PLEKHH2: variants seen among roughly 807,000 people sequenced by gnomAD.
PLEKHH2 encodes pleckstrin homology, MyTH4 and FERM domain containing H2.
Under a neutral mutation model 187.9 loss-of-function variants are expected in PLEKHH2, and 129 were observed. The observed-to-expected ratio is 0.69, with a 90% confidence interval of 0.59 to 0.79. The LOEUF is 0.79. Among genes scored for constraint, PLEKHH2 ranks in the 30% least tolerant of loss-of-function variants. PLEKHH2 has a pLI of 0.00. For synonymous variants in PLEKHH2, 686 were observed against 605.6 expected (o/e 1.13, Z -1.95); for missense variants, 2,076 against 1,751.2 (o/e 1.19, Z -3.31).
intron 2 of PLEKHH2, among the ~76,000 whole-genome samples, chr2:43,654,183 A>T (rs536634341): frequency 9.2e-5 from 14 of 152,098 alleles, no homozygotes; most frequent in Non-Finnish European, 1.9e-4. Context: ...GAAGTAGTTG[A>T]CATTTTATGT....
chr2:43,674,349 G>C (rs1667624517), intron 2 of PLEKHH2, among the ~76,000 whole-genome samples: 1 of 152,162 alleles, frequency 6.6e-6, no homozygotes, highest in Admixed American at 6.5e-5. Context: ...CCTGAAAATA[G>C]AATATAGTTA....
intron 3 of PLEKHH2, among the ~76,000 whole-genome samples, chr2:43,682,717 A>T (rs1668265689): frequency 6.6e-6 from 1 of 152,132 alleles, no homozygotes; most frequent in South Asian, 2.1e-4. Context: ...TTCATTAAGC[A>T]TTTAGTCCCA....
intron 27 of PLEKHH2, among the ~76,000 whole-genome samples, chr2:43,759,784 A>C (rs1289469645): frequency 6.6e-6 from 1 of 152,210 alleles, no homozygotes; most frequent in African/African-American, 2.4e-5. Context: ...CTTTGCACGT[A>C]ATTAATAATT....
At chr2:43,697,028 T>G in intron 6 of PLEKHH2, 143 bp from the exon 7 acceptor site, 1 of 565,868 alleles carries the variant, frequency 1.8e-6, no homozygotes, top group Non-Finnish European at 3.0e-6. Flanking sequence ...AGGTTCTATG[T>G]TATTGTACAT....
intron 24 of PLEKHH2, among the ~76,000 whole-genome samples, chr2:43,748,023 G>C (rs766234102): frequency 2.6e-5 from 4 of 152,194 alleles, no homozygotes; most frequent in African/African-American, 9.7e-5. Flanking sequence ...ACTTGGGACA[G>C]ACACTCACAT....
At position 43,766,227 on chromosome 2, in the gene PLEKHH2, C is replaced by A. The variant is rs1421117655; in HGVS notation, c.*629C>A. ...GTGGTATTAGAAAGTATACCGTCAC[C>A]TTTTCACATCACTGGAGTGTAAAAT... On this transcript the variant is annotated 3_prime_UTR_variant, in exon 30 of 30. Transcript: ENST00000282406. 6.5e-6 allele frequency: 1 copy of A among 152,722 alleles called. No individual in the cohort carries two copies. Among genetic ancestry groups the A allele is most frequent in the African/African-American group, 2.4e-5 (1 of 41,428 alleles). The allele number at this position is 152,722 out of a possible 1,614,324, so 9.5% of individuals were successfully genotyped here.
intron 27 of PLEKHH2, among the ~76,000 whole-genome samples, chr2:43,760,073 G>C (rs572756148): frequency 6.6e-6 from 1 of 152,168 alleles, no homozygotes; most frequent in Middle Eastern, 3.4e-3. Context: ...GAAGTTGAAC[G>C]TTACTTTTTA....
chr2:43,754,079 T>C (rs1672107724), intron 25 of PLEKHH2, among the ~76,000 whole-genome samples: 1 of 151,914 alleles, frequency 6.6e-6, no homozygotes, highest in Non-Finnish European at 1.5e-5. Flanking sequence ...AATCGCTTGG[T>C]AGTCTAATAG....
chr2:43,641,577 C>T lies in PLEKHH2; in HGVS notation c.-3-3094C>T, dbSNP rs539761082. On this transcript the variant is annotated intron_variant, in intron 1 of 29. Transcript: ENST00000282406. ...TGGCTCAAGACAATTCTTCTTCTAA[C>T]GTGGCCCAAGGAAGTCAAAAGATTG... Among the ~76,000 whole-genome samples the T allele has an allele frequency of 4.1e-4, 62 of 152,098 alleles. 1 individual carries two copies. The highest frequency in any genetic ancestry group is 1.4e-3 in the African/African-American group (58 of 41,476).
chr2:43,749,732 A>G (rs1671931696), intron 24 of PLEKHH2, among the ~76,000 whole-genome samples: 1 of 152,234 alleles, frequency 6.6e-6, no homozygotes, highest in African/African-American at 2.4e-5. Context: ...GTTTATAAGT[A>G]GCTTAGACAA....
intron 2 of PLEKHH2, among the ~76,000 whole-genome samples, chr2:43,653,613 G>A (rs1178835830): frequency 6.6e-6 from 1 of 152,204 alleles, no homozygotes; most frequent in East Asian, 1.9e-4. Context: ...GGAGAAAGTT[G>A]AGGGGTCTCC....
At chr2:43,678,640 A>G (rs1667995108) in intron 2 of PLEKHH2, among the ~76,000 whole-genome samples, 1 of 152,012 alleles carries the variant, frequency 6.6e-6, no homozygotes, top group African/African-American at 2.4e-5. Context: ...GGGAGGTTGC[A>G]GTGAGCCGAG....
intron 2 of PLEKHH2, chr2:43,675,850 G>T (rs1363127711): frequency 8.7e-6 from 14 of 1,614,026 alleles, no homozygotes; most frequent in Non-Finnish European, 1.2e-5. Context: ...TGCATCCCTT[G>T]TAAACAAAAG....
chr2:43,706,504 TA>T, intron 10 of PLEKHH2, 88 bp downstream of exon 10: 2 of 972,402 alleles, frequency 2.1e-6, no homozygotes, highest in Non-Finnish European at 3.1e-6. Flanking sequence ...ATTCCATTCT[TA>T]ACATTTTACA....
intron 19 of PLEKHH2, among the ~76,000 whole-genome samples, chr2:43,733,438 G>A (rs991670497): frequency 1.7e-4 from 26 of 151,392 alleles, no homozygotes; most frequent in African/African-American, 5.1e-4. Context: ...CTCAGATAAC[G>A]GTGGACCTTC....
At chr2:43,727,912 A>C (rs920150860) in intron 17 of PLEKHH2, among the ~76,000 whole-genome samples, 1 of 152,210 alleles carries the variant, frequency 6.6e-6, no homozygotes, top group Non-Finnish European at 1.5e-5. Context: ...CAACTTACTG[A>C]GGAATTTAAT....
intron 3 of PLEKHH2, among the ~76,000 whole-genome samples, chr2:43,682,152 C>A (rs1020279199): frequency 6.6e-6 from 1 of 152,058 alleles, no homozygotes; most frequent in Non-Finnish European, 1.5e-5. Context: ...AAACCAAACA[C>A]CCTTAAAAAT....
intron 20 of PLEKHH2, among the ~76,000 whole-genome samples, chr2:43,739,900 T>C (rs1671482699): frequency 6.6e-6 from 1 of 152,228 alleles, no homozygotes; most frequent in Admixed American, 6.5e-5. Context: ...CTTCCTTGAC[T>C]CCACAAGAAG....
In PLEKHH2 at chr2:43,758,897, T is replaced by C; in HGVS notation, c.3942-3T>C. 1 of 1,575,550 alleles carries C rather than the reference T, an allele frequency of 6.3e-7. No homozygotes were observed. Among genetic ancestry groups the C allele is most frequent in the Non-Finnish European group, 8.6e-7 (1 of 1,160,286 alleles). ...TTGTTTTTGTTCTTTTCTTTTTTTT[T>C]AGGCAGCTTTGCCAGCGACTTTCAA... On this transcript the variant is annotated splice_polypyrimidine_tract_variant and splice_region_variant and intron_variant, in intron 26 of 29. Coordinates refer to ENST00000282406, the MANE Select transcript of PLEKHH2 (RefSeq NM_172069.4).
Sources: allele counts gnomAD v4.1 joint callset (sites outside exome capture counted in the v4.1 genomes callset), GRCh38; gene constraint gnomAD v4.1.1; transcripts MANE v1.5; gene names NCBI Gene and HGNC (gene_info 2026-07-23, HGNC 2026-07-21).